The following CCDC138 variants were observed in gnomAD, a reference collection of about 807,000 sequenced individuals.
CCDC138 encodes the protein coiled-coil domain-containing protein 138.
CCDC138 carries 66 observed loss-of-function variants against 82.3 expected under a neutral mutation model. The observed-to-expected ratio is 0.80, with a 90% CI of 0.66 to 0.98. The LOEUF (loss-of-function observed/expected upper bound fraction) is 0.98, where lower values mean the gene tolerates loss of function less well. Among genes scored for constraint, CCDC138 ranks in the 50% least tolerant of loss-of-function variants. CCDC138 has a pLI of 0.00. For missense variants in CCDC138, 816 were observed against 758.9 expected (o/e 1.08, Z -0.88); for synonymous variants, 297 against 265.4 (o/e 1.12, Z -1.16).
In CCDC138 at chr2:108,876,110, C is replaced by T; in HGVS notation, c.1855C>T (p.Leu619Phe). The T allele has an allele frequency of 6.3e-7, 1 of 1,599,630 alleles. No homozygotes were observed. Among genetic ancestry groups the T allele is most frequent in the African/African-American group, 1.3e-5 (1 of 74,656 alleles). Residue 619 changes from leucine (L) to phenylalanine (F), a missense_variant, in exon 15 of 15, where the codon CTT becomes TTT. By Grantham distance (22) the Leu-to-Phe change is conservative. Coordinates refer to ENST00000295124, the MANE Select transcript of CCDC138 (RefSeq NM_144978.3). Reference sequence around the variant, plus strand: ...CAGGAGTAATAAGAAGCTCTTTGAACTTTTTACGATTCATCTGATGCTTCA... The same window carrying T: ...CAGGAGTAATAAGAAGCTCTTTGAATTTTTTACGATTCATCTGATGCTTCA... ...KIKSNKKLFE[L>F]FTIHLMLQEI...
chr2:108,786,983 C>T (rs1484940712), intron 1 of CCDC138, 68 bp downstream of exon 1: 13 of 1,121,628 alleles, frequency 1.2e-5, no homozygotes, highest in Admixed American at 4.1e-5. Context: ...CCGTGCCCCG[C>T]GCAGCCGGCC....
At chr2:108,881,349 G>A (rs751586964), downstream of CCDC138, among the ~76,000 whole-genome samples, 35 of 152,246 alleles carry the variant, frequency 2.3e-4, no homozygotes, top group Non-Finnish European at 4.7e-4. Context: ...ATTGAAGAGA[G>A]TTAGGGCCTT....
chr2:108,791,278 C>A (rs553364270), intron 3 of CCDC138, among the ~76,000 whole-genome samples: 1 of 152,150 alleles, frequency 6.6e-6, no homozygotes, highest in African/African-American at 2.4e-5. Flanking sequence ...TCTAGTTCTG[C>A]TCCACTTTCT....
intron 12 of CCDC138, 127 bp from the exon 13 acceptor site, chr2:108,856,667 A>C: frequency 1.2e-6 from 1 of 800,754 alleles, no homozygotes; most frequent in Non-Finnish European, 2.0e-6. Flanking sequence ...TTAGACTGTG[A>C]TCTCTTATTT....
chr2:108,808,295 A>G (rs982032516), intron 7 of CCDC138, among the ~76,000 whole-genome samples: 2 of 151,814 alleles, frequency 1.3e-5, no homozygotes, highest in African/African-American at 2.4e-5. Context: ...TACTTTGGCT[A>G]TTGCAAATAC....
chr2:108,808,093 TTAACA>T (rs1573999842), intron 7 of CCDC138, among the ~76,000 whole-genome samples: 1 of 152,236 alleles, frequency 6.6e-6, no homozygotes, highest in African/African-American at 2.4e-5. Context: ...CTTATTTCAC[TTAACA>T]TAAGTGTGTG....
chr2:108,816,446 G>A (rs1684823448), intron 10 of CCDC138, among the ~76,000 whole-genome samples: 1 of 152,102 alleles, frequency 6.6e-6, no homozygotes, highest in African/African-American at 2.4e-5. Context: ...GCAAGACTCT[G>A]TTTCAAAAGA....
intron 12 of CCDC138, among the ~76,000 whole-genome samples, chr2:108,854,059 T>C (rs922478524): frequency 3.4e-5 from 4 of 119,276 alleles, no homozygotes; most frequent in Non-Finnish European, 6.3e-5. Flanking sequence ...ATTTATATTA[T>C]ATATATTTTA....
At chr2:108,824,656 T>C (rs1206523882) in intron 10 of CCDC138, among the ~76,000 whole-genome samples, 1 of 152,170 alleles carries the variant, frequency 6.6e-6, no homozygotes, top group Admixed American at 6.5e-5. Context: ...AAGTATAGTG[T>C]AGCAAATATG....
chr2:108,814,581 G>A (rs890186660), intron 9 of CCDC138, among the ~76,000 whole-genome samples: 36 of 151,594 alleles, frequency 2.4e-4, no homozygotes, highest in East Asian at 1.5e-3. Context: ...GATTGCCATC[G>A]GCTTAATGTT....
chr2:108,857,066 CTTTTTTTTTTTTTTTTT>C (rs35540493), intron 13 of CCDC138, 96 bp downstream of exon 13: 10 of 44,066 alleles, frequency 2.3e-4, no homozygotes, highest in South Asian at 1.4e-3. Flanking sequence ...GATACTATTG[CTTTTTTTTTTTTTTTTT>C]TTTTTTTTTT....
intron 10 of CCDC138, among the ~76,000 whole-genome samples, chr2:108,832,763 C>T (rs1687917862): frequency 6.6e-6 from 1 of 152,016 alleles, no homozygotes; most frequent in Non-Finnish European, 1.5e-5. Flanking sequence ...GAGACAGACA[C>T]CTAGTAGTTG....
intron 13 of CCDC138, among the ~76,000 whole-genome samples, chr2:108,862,329 G>A (rs1370636956): frequency 6.6e-6 from 1 of 152,142 alleles, no homozygotes; most frequent in Non-Finnish European, 1.5e-5. Flanking sequence ...AAAGCATTGT[G>A]TTTACAGTGC....
chr2:108,838,585 T>C (rs1028162909), intron 10 of CCDC138, among the ~76,000 whole-genome samples: 1 of 152,140 alleles, frequency 6.6e-6, no homozygotes, highest in African/African-American at 2.4e-5. Context: ...CCTGAAATCA[T>C]TTAGCAAAAT....
At chr2:108,877,937 G>A (rs1226145658), downstream of CCDC138, among the ~76,000 whole-genome samples, 1 of 152,178 alleles carries the variant, frequency 6.6e-6, no homozygotes, top group African/African-American at 2.4e-5. Context: ...GAAGGTAATA[G>A]GGAGCTCTAC....
At chr2:108,879,159 A>G (rs1558782393), downstream of CCDC138, among the ~76,000 whole-genome samples, 2 of 152,208 alleles carry the variant, frequency 1.3e-5, no homozygotes, top group Non-Finnish European at 2.9e-5. Context: ...TTCTGTAGAG[A>G]CAGGGTTTTG....
At chr2:108,821,080 G>A (rs1350948337) in intron 10 of CCDC138, among the ~76,000 whole-genome samples, 1 of 152,130 alleles carries the variant, frequency 6.6e-6, no homozygotes, top group Non-Finnish European at 1.5e-5. Context: ...ATTTGTGGCC[G>A]GGTGCGGTGG....
At chr2:108,878,859 A>G (rs944828471), downstream of CCDC138, among the ~76,000 whole-genome samples, 7 of 152,244 alleles carry the variant, frequency 4.6e-5, no homozygotes, top group African/African-American at 1.2e-4. Context: ...AAAATGTAAG[A>G]TAAAGAATCC....
Position 108,799,584 on chromosome 2 carries a change from G to A in CCDC138, c.735+998G>A, listed in dbSNP as rs1681557017. ...TCTTTATCTTTGGTTTTCAGTAGCAGTTTATTTACAGTGTTTCTTGACATG... is the reference window on the plus strand; with the variant it reads ...TCTTTATCTTTGGTTTTCAGTAGCAATTTATTTACAGTGTTTCTTGACATG... On this transcript the variant is annotated intron_variant, in intron 6 of 14. Coordinates refer to ENST00000295124, the MANE Select transcript of CCDC138 (RefSeq NM_144978.3). Among the ~76,000 whole-genome samples the A allele has an allele frequency of 2.6e-5, 4 of 152,180 alleles. No individual in the cohort carries two copies. In the South Asian group the frequency reaches 6.2e-4, roughly 24 times the overall value.
Sources: gnomAD v4.1 joint callset for allele counts (sites outside exome capture counted in the v4.1 genomes callset) on GRCh38, gnomAD v4.1.1 for gene constraint, MANE v1.5 for transcripts, NCBI Gene and HGNC (gene_info 2026-07-23, HGNC 2026-07-21) for gene names.